Variants in SLC36A1 observed in about 807,000 individuals in gnomAD.
SLC36A1 encodes proton-coupled amino acid transporter 1.
Under a neutral mutation model 47.5 loss-of-function variants are expected in SLC36A1, and 30 were observed. The ratio of observed to expected loss-of-function variants is 0.63; its 90% CI spans 0.47 to 0.86. The LOEUF (loss-of-function observed/expected upper bound fraction) is 0.86. Ranked by LOEUF, SLC36A1 falls within the 40% of genes least tolerant of loss-of-function variation. The pLI is 0.00. For synonymous variants in SLC36A1, 255 were observed against 249.7 expected (o/e 1.02, Z -0.20); for missense variants, 517 against 606.0 (o/e 0.85, Z 1.54).
At chr5:151,458,761 G>T in intron 1 of SLC36A1, 27 bp from the exon 2 acceptor site, 1 of 1,609,740 alleles carries the variant, frequency 6.2e-7, no homozygotes, top group Non-Finnish European at 8.5e-7. Flanking sequence ...GCTGCAGGAG[G>T]TCTTAATGCT....
At chr5:151,506,474 C>T in the SLC36A1 span, among the ~76,000 whole-genome samples, 2 of 152,218 alleles carry the variant, frequency 1.3e-5, no homozygotes, top group East Asian at 3.9e-4. Context: ...TTTGGACTCA[C>T]TCACAGGTGT....
the SLC36A1 span, among the ~76,000 whole-genome samples, chr5:151,528,692 G>A: frequency 6.6e-6 from 1 of 152,118 alleles, no homozygotes; most frequent in Non-Finnish European, 1.5e-5. Flanking sequence ...GAGACTGGAA[G>A]GTGGGATGAA....
the SLC36A1 span, among the ~76,000 whole-genome samples, chr5:151,401,385 A>G: frequency 0.013 from 1,912 of 152,096 alleles, 51 homozygotes; most frequent in African/African-American, 0.044. Flanking sequence ...TGGGTCTATG[A>G]GTCTGTTTTT....
the SLC36A1 span, among the ~76,000 whole-genome samples, chr5:151,424,153 G>A: frequency 1.3e-4 from 20 of 152,288 alleles, no homozygotes; most frequent in African/African-American, 4.3e-4. Context: ...TGCAGAAACA[G>A]CCTCTCATTG....
chr5:151,546,349 G>GACAAGAC, the SLC36A1 span: 2 of 1,601,714 alleles, frequency 1.2e-6, no homozygotes, highest in African/African-American at 2.7e-5. Flanking sequence ...TGAAACAGAA[G>GACAAGAC]ACAAGACAAA....
the SLC36A1 span, among the ~76,000 whole-genome samples, chr5:151,517,336 A>T: frequency 2.6e-5 from 4 of 152,172 alleles, no homozygotes; most frequent in Non-Finnish European, 5.9e-5. Context: ...AAAAATGATA[A>T]CGGCACCAGG....
chr5:151,537,558 A>G, the SLC36A1 span, among the ~76,000 whole-genome samples: 17 of 152,238 alleles, frequency 1.1e-4, no homozygotes, highest in Non-Finnish European at 2.5e-4. Context: ...AATTTAGCAC[A>G]TTTAAAACCA....
chr5:151,524,791 A>T, the SLC36A1 span, among the ~76,000 whole-genome samples: 1 of 152,010 alleles, frequency 6.6e-6, no homozygotes, highest in Non-Finnish European at 1.5e-5. Context: ...TTCCCAACTC[A>T]TGTTGCTCTT....
the SLC36A1 span, among the ~76,000 whole-genome samples, chr5:151,369,152 C>CA: frequency 1.3e-5 from 2 of 152,152 alleles, no homozygotes; most frequent in African/African-American, 4.8e-5. Flanking sequence ...ACTGGAAAAA[C>CA]AAAATACAAC....
chr5:151,445,449 T>C (rs955500211), upstream of SLC36A1, among the ~76,000 whole-genome samples: 7 of 152,360 alleles, frequency 4.6e-5, no homozygotes, highest in African/African-American at 1.7e-4. Flanking sequence ...TCTTTTCTTG[T>C]GGCGTCTTTC....
the SLC36A1 span, among the ~76,000 whole-genome samples, chr5:151,534,970 A>AATATATCTATATATAT: frequency 5.6e-5 from 6 of 106,390 alleles, no homozygotes; most frequent in African/African-American, 1.8e-4. Flanking sequence ...CTTCTAGGAA[A>AATATATCTATATATAT]ATATATATAT....
At position 151,468,301 on chromosome 5, in the gene SLC36A1, T is replaced by TATATAAA. The variant is rs1554113589; in HGVS notation, c.723+381_723+382insAAATATA. Among the ~76,000 whole-genome samples the TATATAAA allele has an allele frequency of 1.6e-3, 149 of 93,344 alleles. 4 individuals carry two copies. The highest frequency in any genetic ancestry group is 9.3e-3 in the South Asian group (22 of 2,360). 61.2% of individuals were successfully genotyped at this position (93,344 alleles called of 152,430 possible). A position where few individuals can be genotyped will look rare whatever the true frequency, so the allele number is the denominator to read the frequency against. On this transcript the variant is annotated intron_variant, in intron 7 of 10. Coordinates refer to ENST00000243389, the MANE Select transcript of SLC36A1 (RefSeq NM_078483.4). The stretch of plus-strand genomic sequence containing the variant: ...TATATATATATATATATATTTTATA[T>TATATAAA]ATATATATTTACATATATGTGTATA...
intron 10 of SLC36A1, among the ~76,000 whole-genome samples, chr5:151,484,632 AAGCTGATTTGCCCTGCACCACTC>A (rs1428062607): frequency 3.3e-5 from 5 of 152,186 alleles, no homozygotes; most frequent in Non-Finnish European, 7.3e-5. Context: ...TCAGAATAGT[AAGCTGATTTGCCCTGCACCACTC>A]AGCTTGTTAT....
At chr5:151,480,506 C>G (rs1758654476) in intron 10 of SLC36A1, among the ~76,000 whole-genome samples, 1 of 152,186 alleles carries the variant, frequency 6.6e-6, no homozygotes. Context: ...CCTTCAGGCC[C>G]TCTCCTAGAC....
At chr5:151,432,210 T>C (rs557909270), upstream of SLC36A1, among the ~76,000 whole-genome samples, 1 of 152,158 alleles carries the variant, frequency 6.6e-6, no homozygotes, top group African/African-American at 2.4e-5. Context: ...ATATTAATCA[T>C]AGTTTCTCAT....
At chr5:151,346,026 C>G in the SLC36A1 span, among the ~76,000 whole-genome samples, 3 of 152,222 alleles carry the variant, frequency 2.0e-5, no homozygotes, top group African/African-American at 7.2e-5. Flanking sequence ...CCAACCCCAT[C>G]GTTGCCACGC....
the SLC36A1 span, chr5:151,542,156 G>A: frequency 2.5e-6 from 2 of 794,158 alleles, no homozygotes; most frequent in Non-Finnish European, 4.0e-6. Flanking sequence ...GGTCCTAGGG[G>A]GTTAAGTGTG....
chr5:151,549,260 G>T, the SLC36A1 span: 1 of 1,595,128 alleles, frequency 6.3e-7, no homozygotes, highest in East Asian at 2.2e-5. Context: ...AAAGCATCTT[G>T]ACCCATCCTC....
At chr5:151,540,489 C>T in the SLC36A1 span, 5 of 1,370,102 alleles carry the variant, frequency 3.6e-6, no homozygotes. Flanking sequence ...TCTCCTGCTC[C>T]TCACTCTCTG....
Sources: gnomAD v4.1 joint callset for allele counts (sites outside exome capture counted in the v4.1 genomes callset) on GRCh38, gnomAD v4.1.1 for gene constraint, MANE v1.5 for transcripts, NCBI Gene and HGNC (gene_info 2026-07-23, HGNC 2026-07-21) for gene names.